SEL1L3: variants seen among roughly 807,000 people sequenced by gnomAD.
The protein encoded by SEL1L3 is protein sel-1 homolog 3.
SEL1L3 carries 76 observed loss-of-function variants against 142.8 expected under a neutral mutation model. The observed-to-expected ratio is 0.53, with a 90% CI of 0.44 to 0.64. SEL1L3 has a LOEUF of 0.64. Among genes scored for constraint, SEL1L3 ranks in the 30% least tolerant of loss-of-function variants. The pLI is 0.00. For missense variants in SEL1L3, 1,262 were observed against 1,381.7 expected (o/e 0.91, Z 1.37); for synonymous variants, 504 against 519.6 (o/e 0.97, Z 0.41).
intron 11 of SEL1L3, among the ~76,000 whole-genome samples, chr4:25,793,381 T>C (rs751129462): frequency 2.6e-5 from 4 of 152,118 alleles, no homozygotes; most frequent in Non-Finnish European, 5.9e-5. Flanking sequence ...CTCCCTGAGC[T>C]CAAGTGATCC....
chr4:25,802,802 C>T (rs1429021088), intron 10 of SEL1L3, among the ~76,000 whole-genome samples: 1 of 151,952 alleles, frequency 6.6e-6, no homozygotes, highest in African/African-American at 2.4e-5. Flanking sequence ...AGGATGGTCT[C>T]GATCTCCTGA....
chr4:25,792,485 A>C (rs56297003), intron 11 of SEL1L3, among the ~76,000 whole-genome samples: 58,446 of 152,050 alleles, frequency 0.38, 11,631 homozygotes, highest in Middle Eastern at 0.55. Flanking sequence ...ATGGAGGGCA[A>C]CCCATGAGCG....
At chr4:25,783,787 C>G (rs141949777) in intron 14 of SEL1L3, among the ~76,000 whole-genome samples, 6 of 152,278 alleles carry the variant, frequency 3.9e-5, no homozygotes, top group African/African-American at 1.4e-4. Flanking sequence ...ACTTAATAAA[C>G]AGCCCTGTTA....
chr4:25,823,509 C>T (rs145062861), intron 6 of SEL1L3, among the ~76,000 whole-genome samples: 63 of 151,636 alleles, frequency 4.2e-4, no homozygotes, highest in African/African-American at 1.5e-3. Context: ...AGCGAGACTC[C>T]ATGTCAAAAT....
At chr4:25,746,877 ACT>A (rs1717286765), downstream of SEL1L3, among the ~76,000 whole-genome samples, 1 of 151,582 alleles carries the variant, frequency 6.6e-6, no homozygotes. Flanking sequence ...CTAATACAAG[ACT>A]CTATCCTGTA....
intron 23 of SEL1L3, chr4:25,756,894 C>T: frequency 1.6e-6 from 2 of 1,283,586 alleles, no homozygotes. Flanking sequence ...TTTTCAGGCA[C>T]ACAGAGGCAG....
chr4:25,847,251 T>C lies in SEL1L3; in HGVS notation c.733+43A>G, dbSNP rs189841531. On this transcript the variant is annotated intron_variant, in intron 2 of 23. Transcript: ENST00000399878. ...CCATTCGATCATGATACAGGCTATC[T>C]GAAAAAATGAGAATTAGGTTCCTAG... 304 of 1,512,270 alleles carry C rather than the reference T, an allele frequency of 2.0e-4. 4 individuals carry two copies. The East Asian group carries it at 5.8e-3, about 29-fold the overall frequency. The allele number at this position is 1,512,270 out of a possible 1,614,324, so 93.7% of individuals were successfully genotyped here.
At chr4:25,776,430 C>T (rs751350961) in intron 16 of SEL1L3, 70 bp from the exon 17 acceptor site, 5 of 1,071,844 alleles carry the variant, frequency 4.7e-6, no homozygotes, top group Admixed American at 1.9e-5. Flanking sequence ...TCTTCATATG[C>T]TCTCAATAAA....
intron 1 of SEL1L3, among the ~76,000 whole-genome samples, chr4:25,848,402 G>A (rs112777054): frequency 0.012 from 1,765 of 152,308 alleles, 40 homozygotes; most frequent in African/African-American, 0.04. Context: ...CATGATATAT[G>A]GACAGGCAAG....
chr4:25,770,752 AAAAAAAG>A (rs1459328759), intron 17 of SEL1L3, among the ~76,000 whole-genome samples: 37 of 151,370 alleles, frequency 2.4e-4, no homozygotes, highest in Admixed American at 3.3e-4. Flanking sequence ...AAAAAAAAAA[AAAAAAAG>A]AAAAGAAAAG....
At chr4:25,786,486 G>T in intron 13 of SEL1L3, among the ~76,000 whole-genome samples, 1 of 152,132 alleles carries the variant, frequency 6.6e-6, no homozygotes, top group East Asian at 1.9e-4. Flanking sequence ...TTTATTTCTG[G>T]ATTTGCCTCT....
chr4:25,746,716 T>C (rs1159503557), downstream of SEL1L3, among the ~76,000 whole-genome samples: 1 of 151,796 alleles, frequency 6.6e-6, no homozygotes, highest in Non-Finnish European at 1.5e-5. Context: ...CCTTCTGCCA[T>C]GATTGAAAGT....
intron 9 of SEL1L3, among the ~76,000 whole-genome samples, chr4:25,812,275 T>C (rs755606141): frequency 6.6e-6 from 1 of 152,244 alleles, no homozygotes; most frequent in Admixed American, 6.5e-5. Context: ...CCCACTCAGA[T>C]ACCTCTCCTC....
At chr4:25,724,374 G>A in the SEL1L3 span, among the ~76,000 whole-genome samples, 1 of 152,126 alleles carries the variant, frequency 6.6e-6, no homozygotes, top group African/African-American at 2.4e-5. Flanking sequence ...AGCTGTGACT[G>A]TGCCACACTA....
At chr4:25,728,174 T>A in the SEL1L3 span, among the ~76,000 whole-genome samples, 5 of 152,170 alleles carry the variant, frequency 3.3e-5, no homozygotes, top group African/African-American at 1.2e-4. Context: ...TGAAGAATAA[T>A]CTGGGTTTCC....
intron 6 of SEL1L3, among the ~76,000 whole-genome samples, chr4:25,826,876 C>T (rs1303516027): frequency 6.6e-6 from 1 of 152,016 alleles, no homozygotes; most frequent in African/African-American, 2.4e-5. Context: ...GTTGCCCAGC[C>T]TGGTCTCAAA....
In SEL1L3 at chr4:25,827,730, A is replaced by G. The variant is rs114603208; in HGVS notation, c.1157+2368T>C. On this transcript the variant is annotated intron_variant, in intron 6 of 23. Transcript: ENST00000399878. ...CCCATTCACTCATATCAGCCTCTAG[A>G]TCTCTGGGATTGAAGAGGAAAGGAA... 9.9e-4 allele frequency among the ~76,000 whole-genome samples: 150 copies of G among 152,258 alleles called. 2 individuals carry two copies. Among genetic ancestry groups the G allele is most frequent in the African/African-American group, 3.2e-3 (132 of 41,530 alleles).
rs1717367133 is a variant in SEL1L3, at chr4:25,748,265, C to T, written c.*160G>A. On this transcript the variant is annotated 3_prime_UTR_variant, in exon 24 of 24. Transcript: ENST00000399878. ...TACCACTGCCTGATCTGGGTACTTC[C>T]TTGTAATTTGACTTTAAAAAAAATG... The T allele has an allele frequency of 3.0e-6, 2 of 664,282 alleles. No homozygotes were observed. The highest frequency in any genetic ancestry group is 5.1e-6 in the Non-Finnish European group (2 of 393,074). The allele number at this position is 664,282 out of a possible 1,614,324, so 41.1% of individuals were successfully genotyped here.
intron 9 of SEL1L3, among the ~76,000 whole-genome samples, chr4:25,808,865 C>T (rs923816480): frequency 2.6e-5 from 4 of 152,360 alleles, no homozygotes; most frequent in South Asian, 2.1e-4. Context: ...GTCAGGAAAT[C>T]GAGAACACCC....
Sources: gnomAD v4.1 joint callset for allele counts (sites outside exome capture counted in the v4.1 genomes callset) on GRCh38, gnomAD v4.1.1 for gene constraint, MANE v1.5 for transcripts, NCBI Gene and HGNC (gene_info 2026-07-23, HGNC 2026-07-21) for gene names.